NPR2: variants seen among roughly 807,000 people sequenced by gnomAD.
NPR2 encodes natriuretic peptide receptor 2.
NPR2 carries 49 observed loss-of-function variants against 120.7 expected under a neutral mutation model. The observed-to-expected ratio is 0.41, with a 90% CI of 0.32 to 0.52. NPR2 has a LOEUF of 0.52. Ranked by LOEUF, NPR2 falls within the 20% of genes least tolerant of loss-of-function variation. The pLI is 0.36. For synonymous variants in NPR2, 484 were observed against 519.8 expected (o/e 0.93, Z 0.94); for missense variants, 931 against 1,362.9 (o/e 0.68, Z 4.99).
At chr9:35,794,344 T>C (rs1019204387) in intron 2 of NPR2, among the ~76,000 whole-genome samples, 12 of 152,230 alleles carry the variant, frequency 7.9e-5, no homozygotes, top group African/African-American at 2.9e-4. Flanking sequence ...ACACTGACTT[T>C]CCTAAGTGCC....
Position 35,809,073 on chromosome 9 carries a change from G to T in NPR2, c.2987-83G>T. The T allele has an allele frequency of 7.5e-7, 1 of 1,330,140 alleles. No homozygotes were observed. Among genetic ancestry groups the T allele is most frequent in the Admixed American group, 1.7e-5 (1 of 59,672 alleles). The allele number at this position is 1,330,140 out of a possible 1,614,324, so 82.4% of individuals were successfully genotyped here. The stretch of plus-strand genomic sequence containing the variant: ...TTCCCAGGGATGGTTGGTCGGGCAC[G>T]GTGCTATACAGTATCACCAATTATT... On this transcript the variant is annotated intron_variant, in intron 20 of 21. Coordinates refer to ENST00000342694, the MANE Select transcript of NPR2 (RefSeq NM_003995.4). This position sits in a 1 kb window ranked among gnomAD's most constrained non-coding sequence, Gnocchi z 4.1.
intron 2 of NPR2, among the ~76,000 whole-genome samples, chr9:35,799,081 C>G (rs10758324): frequency 0.36 from 55,239 of 152,160 alleles, 10,572 homozygotes; most frequent in Middle Eastern, 0.52. Context: ...TGAAATCTCT[C>G]TAATTCACTG....
Position 35,802,485 on chromosome 9 carries a change from A to G in NPR2, c.1711-18A>G, listed in dbSNP as rs1418798966. 4 of 1,465,950 alleles carry G rather than the reference A, an allele frequency of 2.7e-6. No homozygotes were observed. Among genetic ancestry groups the G allele is most frequent in the East Asian group, 4.5e-5 (2 of 44,196 alleles). The allele number at this position is 1,465,950 out of a possible 1,614,324, so 90.8% of individuals were successfully genotyped here. A position where few individuals can be genotyped will look rare whatever the true frequency, so the allele number is the denominator to read the frequency against. On this transcript the variant is annotated intron_variant, in intron 10 of 21. Coordinates refer to ENST00000342694, the MANE Select transcript of NPR2 (RefSeq NM_003995.4). The surrounding 1 kb of genome is among the most constrained non-coding windows in gnomAD (Gnocchi z 4.2). ...CTCTTTCAATTTTCTTATCCTTCCC[A>G]TTGTTTTTTTCTGCCAGATGAGAGA...
At position 35,800,106 on chromosome 9, in the gene NPR2, C is replaced by T. The variant is rs140870470; in HGVS notation, c.1072C>T (p.Arg358Trp). 373 of 1,613,712 alleles carry T rather than the reference C, an allele frequency of 2.3e-4. No homozygotes were observed. Among genetic ancestry groups the T allele is most frequent in the Non-Finnish European group, 3.1e-4 (361 of 1,179,834 alleles). ...LNETIQEGGT[R>W]EDGLRIVEKM... ...TGAGACAATACAGGAAGGAGGCACC[C>T]GGGAGGATGGACTTCGAATTGTGGA... Residue 358 changes from arginine (R) to tryptophan (W), a missense_variant, in exon 4 of 22, where the codon CGG (arginine) becomes TGG (tryptophan). Around this residue, in one of 3 missense-constraint regions of NPR2, gnomAD observed 681 missense variants for 974.3 expected, o/e 0.70. Coordinates refer to ENST00000342694, the MANE Select transcript of NPR2 (RefSeq NM_003995.4). The surrounding 1 kb of genome is among the most constrained non-coding windows in gnomAD (Gnocchi z 4.7).
chr9:35,805,993 T>A lies in NPR2; in HGVS notation c.2203+8T>A, dbSNP rs1828360640. On this transcript the variant is annotated splice_region_variant and intron_variant, in intron 14 of 21. Coordinates refer to ENST00000342694, the MANE Select transcript of NPR2 (RefSeq NM_003995.4). The surrounding 1 kb of genome is among the most constrained non-coding windows in gnomAD (Gnocchi z 4.9). ...TGGACCTCAGCCCCAAAGGTAAGAG[T>A]CAATCCACTACCCACAGCCTCTTCT... The A allele has an allele frequency of 7.4e-6, 12 of 1,613,952 alleles. No individual in the cohort carries two copies. Among genetic ancestry groups the A allele is most frequent in the Non-Finnish European group, 1.0e-5 (12 of 1,180,016 alleles).
In NPR2 at chr9:35,806,014, C is replaced by T. The variant is rs1828362151; in HGVS notation, c.2203+29C>T. On this transcript the variant is annotated intron_variant, in intron 14 of 21. Transcript: ENST00000342694. The surrounding 1 kb of genome is among the most constrained non-coding windows in gnomAD (Gnocchi z 4.6). ...AGAGTCAATCCACTACCCACAGCCT[C>T]TTCTTCCTGGGGGAACTCTGTTCTT... The T allele has an allele frequency of 6.2e-7, 1 of 1,614,072 alleles. No individual in the cohort carries two copies. The highest frequency in any genetic ancestry group is 1.3e-5 in the African/African-American group (1 of 74,930).
chr9:35,792,861 G>A lies in NPR2; in HGVS notation c.453G>A (p.Glu151=). 1 of 1,614,204 alleles carries A rather than the reference G, an allele frequency of 6.2e-7. No homozygotes were observed. Among genetic ancestry groups the A allele is most frequent in the South Asian group, 1.1e-5 (1 of 91,088 alleles). The change falls in exon 1 of 22, where the codon GAG becomes GAA. Residue 151 remains glutamate, a synonymous_variant. Transcript: ENST00000342694. The part of the protein sequence containing the change: ...RTGPSAPKLG[E]FVVTLHGHFN... ...GCCCCTCTGCTCCCAAGCTGGGTGA[G>A]TTTGTGGTGACACTACACGGGCACT...
chr9:35,792,216 C>T lies in NPR2; in HGVS notation c.-193C>T, dbSNP rs565986311. On this transcript the variant is annotated 5_prime_UTR_variant, in exon 1 of 22. Coordinates refer to ENST00000342694, the MANE Select transcript of NPR2 (RefSeq NM_003995.4). ...CCTAGGCTGGTAGCCCACTCCTTGC[C>T]CGCCCCCCGCCTTCCTCCCATCTCC... 5.2e-6 allele frequency: 3 copies of T among 582,146 alleles called. No individual in the cohort carries two copies. Among genetic ancestry groups the T allele is most frequent in the African/African-American group, 1.9e-5 (1 of 52,082 alleles). The allele number at this position is 582,146 out of a possible 1,614,324, so 36.1% of individuals were successfully genotyped here.
rs749203696 is a variant in NPR2 at position 35,805,704 on chromosome 9, T to C, written c.2047+34T>C. On this transcript the variant is annotated intron_variant, in intron 13 of 21. Transcript: ENST00000342694. This position sits in a 1 kb window ranked among gnomAD's most constrained non-coding sequence, Gnocchi z 4.9. ...CACCCCCACAACCCACTTTTTATAT[T>C]GCTCCTCTTTCCACCTAGGGATGGT... 1 of 1,613,040 alleles carries C rather than the reference T, an allele frequency of 6.2e-7. No homozygotes were observed. Among genetic ancestry groups the C allele is most frequent in the Non-Finnish European group, 8.5e-7 (1 of 1,179,448 alleles).
chr9:35,796,920 G>A (rs901015501), intron 2 of NPR2, among the ~76,000 whole-genome samples: 1 of 152,186 alleles, frequency 6.6e-6, no homozygotes, highest in Non-Finnish European at 1.5e-5. Flanking sequence ...TGGAAAAGGT[G>A]GCAATAGAGG....
chr9:35,806,904 A>G lies in NPR2; in HGVS notation c.2520-119A>G. On this transcript the variant is annotated intron_variant, in intron 16 of 21. Transcript: ENST00000342694. This position sits in a 1 kb window ranked among gnomAD's most constrained non-coding sequence, Gnocchi z 4.6. ...CTTCCCAGCCACTTTCCTCCCTCCCACCTGAAAAGCCTAGCTTTCTTGTTA... is the reference window on the plus strand; with the variant it reads ...CTTCCCAGCCACTTTCCTCCCTCCCGCCTGAAAAGCCTAGCTTTCTTGTTA... 1 of 1,162,824 alleles carries G rather than the reference A, an allele frequency of 8.6e-7. No homozygotes were observed. Among genetic ancestry groups the G allele is most frequent in the Non-Finnish European group, 1.3e-6 (1 of 795,020 alleles). 72.0% of individuals were successfully genotyped at this position (1,162,824 alleles called of 1,614,324 possible). A position where few individuals can be genotyped will look rare whatever the true frequency, so the allele number is the denominator to read the frequency against.
chr9:35,797,376 C>T (rs955020908), intron 2 of NPR2, among the ~76,000 whole-genome samples: 2 of 152,232 alleles, frequency 1.3e-5, no homozygotes, highest in Non-Finnish European at 2.9e-5. Context: ...AGGCAGAGGT[C>T]ACAACCTACA....
In NPR2 at chr9:35,808,023, T is replaced by C. The variant is rs1828503747; in HGVS notation, c.2713-486T>C. On this transcript the variant is annotated intron_variant, in intron 18 of 21. Coordinates refer to ENST00000342694, the MANE Select transcript of NPR2 (RefSeq NM_003995.4). This position sits in a 1 kb window ranked among gnomAD's most constrained non-coding sequence, Gnocchi z 4.0. ...TTATCCCTAAATACTTAGTGTGTAT[T>C]TCCTAAAAACTTCACTGTGTATTTC... 1 of 651,762 alleles carries C rather than the reference T, an allele frequency of 1.5e-6. No individual in the cohort carries two copies. Among genetic ancestry groups the C allele is most frequent in the East Asian group, 2.5e-5 (1 of 39,314 alleles). 40.4% of individuals were successfully genotyped at this position (651,762 alleles called of 1,614,324 possible).
Position 35,792,437 on chromosome 9 carries a change from T to C in NPR2, c.29T>C (p.Val10Ala). MALPSLLLL[V>A]AALAGGVRPP... ...GCGCTGCCATCACTTCTGCTGTTGG[T>C]GGCAGCCCTGGCAGGTGGGGTGCGT... is the stretch of plus-strand genomic sequence containing the variant. Residue 10 changes from valine to alanine, a missense_variant, in exon 1 of 22, where the codon GTG becomes GCG. Coordinates refer to ENST00000342694, the MANE Select transcript of NPR2 (RefSeq NM_003995.4). 1 of 1,611,464 alleles carries C rather than the reference T, an allele frequency of 6.2e-7. No homozygotes were observed.
In NPR2 at chr9:35,805,648, T is replaced by A; in HGVS notation, c.2025T>A (p.Asp675Glu). ...GCTTCCGATCAACTGCTGAACCTGA[T>A]GACAGCCATGCCCTCTATGCCAGTG... is the stretch of plus-strand genomic sequence containing the variant. ...LASFRSTAEP[D>E]DSHALYAKKL... is the part of the protein sequence containing the mutation. The change falls in exon 13 of 22, where the codon GAT becomes GAA. Residue 675 changes from aspartate to glutamate, a missense_variant. By Grantham distance (45) the Asp-to-Glu change is conservative (BLOSUM62 2). Around this residue, in one of 3 missense-constraint regions of NPR2, gnomAD observed 681 missense variants for 974.3 expected, o/e 0.70. Coordinates refer to ENST00000342694, the MANE Select transcript of NPR2 (RefSeq NM_003995.4). The surrounding 1 kb of genome is among the most constrained non-coding windows in gnomAD (Gnocchi z 4.9). 4 of 1,614,160 alleles carry A rather than the reference T, an allele frequency of 2.5e-6. No homozygotes were observed. The highest frequency in any genetic ancestry group is 3.4e-6 in the Non-Finnish European group (4 of 1,180,054).
chr9:35,793,828 C>G, intron 1 of NPR2, 70 bp from the exon 2 acceptor site: 1 of 1,475,826 alleles, frequency 6.8e-7, no homozygotes, highest in Non-Finnish European at 9.5e-7. Context: ...CCCAGTGATT[C>G]AGAGAGGGGG....
chr9:35,800,731 C>T lies in NPR2; in HGVS notation c.1241C>T (p.Ala414Val). Residue 414 changes from alanine to valine, a missense_variant, in exon 6 of 22, where the codon GCT becomes GTT. Transcript: ENST00000342694. The surrounding 1 kb of genome is among the most constrained non-coding windows in gnomAD (Gnocchi z 4.7). ...CAGCCTGCAGCCCACTACTCGGGAG[C>T]TGAGAAGCAGATTTGGTGGACGGGA... Reference protein sequence around the residue: ...DFQPAAHYSGAEKQIWWTGRP... With the variant: ...DFQPAAHYSGVEKQIWWTGRP... The T allele has an allele frequency of 6.2e-7, 1 of 1,614,142 alleles. No individual in the cohort carries two copies. Among genetic ancestry groups the T allele is most frequent in the Non-Finnish European group, 8.5e-7 (1 of 1,179,998 alleles).
Position 35,800,905 on chromosome 9 carries a change from C to T in NPR2, c.1351+64C>T. The T allele has an allele frequency of 4.4e-6, 7 of 1,603,702 alleles. No homozygotes were observed. Among genetic ancestry groups the T allele is most frequent in the Non-Finnish European group, 5.1e-6 (6 of 1,170,586 alleles). On this transcript the variant is annotated intron_variant, in intron 6 of 21. Transcript: ENST00000342694. This position sits in a 1 kb window ranked among gnomAD's most constrained non-coding sequence, Gnocchi z 4.7. ...TTGCTTTCCATTCATGGCCTCCACC[C>T]TCACTGACCCTCCACTCTTAACTGT...
intron 2 of NPR2, among the ~76,000 whole-genome samples, chr9:35,797,065 T>C (rs1827967806): frequency 6.6e-6 from 1 of 152,226 alleles, no homozygotes; most frequent in South Asian, 2.1e-4. Flanking sequence ...ATATGATTTT[T>C]CTCTCCCATT....
Sources: allele counts gnomAD v4.1 joint callset (sites outside exome capture counted in the v4.1 genomes callset), GRCh38; gene constraint gnomAD v4.1.1; regional missense constraint gnomAD v4.1.1; non-coding constraint Gnocchi (gnomAD v3.1); transcripts MANE v1.5; gene names NCBI Gene and HGNC (gene_info 2026-07-23, HGNC 2026-07-21).